Variants in PTPRD observed in about 807,000 individuals in gnomAD.
PTPRD encodes receptor-type tyrosine-protein phosphatase delta.
A neutral mutation model predicts 214.5 loss-of-function variants in PTPRD; 34 were observed. The ratio of observed to expected loss-of-function variants is 0.16; its 90% CI spans 0.12 to 0.21. The LOEUF is 0.21. Among genes scored for constraint, PTPRD ranks in the 10% least tolerant of loss-of-function variants. The probability of loss-of-function intolerance (pLI) is 1.00; values close to 1 mark genes in which losing one functional copy is unlikely to be tolerated. For synonymous variants in PTPRD, 1,128 were observed against 845.7 expected (o/e 1.33, Z -5.79); for missense variants, 2,545 against 2,398.7 (o/e 1.06, Z -1.27).
chr9:10,144,866 AT>A (rs573486453), intron 3 of PTPRD, among the ~76,000 whole-genome samples: 81 of 152,076 alleles, frequency 5.3e-4, no homozygotes, highest in Admixed American at 2.8e-3. Flanking sequence ...GATAATACTG[AT>A]TTTTTTTATT....
chr9:8,768,204 G>C (rs967393839), intron 11 of PTPRD, among the ~76,000 whole-genome samples: 1 of 152,022 alleles, frequency 6.6e-6, no homozygotes, highest in African/African-American at 2.4e-5. Flanking sequence ...AAACCACCCT[G>C]GGCAACATAG....
At chr9:10,404,457 TTTGA>T (rs2098328022) in intron 2 of PTPRD, among the ~76,000 whole-genome samples, 1 of 151,742 alleles carries the variant, frequency 6.6e-6, no homozygotes, top group South Asian at 2.1e-4. Flanking sequence ...TTAAATGTTA[TTTGA>T]TTTTTTCAAA....
chr9:10,238,578 T>G (rs2099636741), intron 3 of PTPRD, among the ~76,000 whole-genome samples: 2 of 151,934 alleles, frequency 1.3e-5, no homozygotes, highest in African/African-American at 4.8e-5. Context: ...TGACTTTAGC[T>G]ATCGAAAGCA....
intron 4 of PTPRD, among the ~76,000 whole-genome samples, chr9:10,033,491 A>G (rs947723561): frequency 3.3e-5 from 5 of 152,100 alleles, no homozygotes; most frequent in African/African-American, 1.2e-4. Flanking sequence ...ATTCCAGCAC[A>G]TAATTTTTGT....
At chr9:8,738,602 G>C (rs1385920828) in intron 11 of PTPRD, among the ~76,000 whole-genome samples, 2 of 150,970 alleles carry the variant, frequency 1.3e-5, no homozygotes, top group Non-Finnish European at 2.9e-5. Context: ...GCTAAATGTA[G>C]GGAAATCTGA....
At chr9:9,238,738 C>T (rs2099968667) in intron 9 of PTPRD, among the ~76,000 whole-genome samples, 1 of 152,110 alleles carries the variant, frequency 6.6e-6, no homozygotes, top group Non-Finnish European at 1.5e-5. Context: ...AATTACACAA[C>T]CTAAGCTTGT....
intron 9 of PTPRD, among the ~76,000 whole-genome samples, chr9:9,333,503 A>G (rs968260028): frequency 1.9e-5 from 2 of 103,518 alleles, no homozygotes; most frequent in Non-Finnish European, 3.7e-5. Context: ...TATATAGTAT[A>G]TTATATATAT....
At chr9:9,028,503 T>C (rs1201383410) in intron 10 of PTPRD, among the ~76,000 whole-genome samples, 1 of 151,994 alleles carries the variant, frequency 6.6e-6, no homozygotes, top group African/African-American at 2.4e-5. Flanking sequence ...ACAATTAAAT[T>C]TGTGACAGTA....
intron 3 of PTPRD, among the ~76,000 whole-genome samples, chr9:10,328,225 AG>A (rs2096680839): frequency 6.6e-6 from 1 of 151,612 alleles, no homozygotes; most frequent in African/African-American, 2.4e-5. Flanking sequence ...ACACAGATTA[AG>A]TTTTTTATTT....
intron 7 of PTPRD, among the ~76,000 whole-genome samples, chr9:9,597,124 A>C (rs2093412164): frequency 6.6e-6 from 1 of 152,024 alleles, no homozygotes; most frequent in Non-Finnish European, 1.5e-5. Flanking sequence ...GGCCTTAAAC[A>C]TCTTCCTGCT....
rs139956101 is a variant in PTPRD at position 10,314,427 on chromosome 9, C to T, written c.-545+26536G>A. Among the ~76,000 whole-genome samples, 555 of 151,924 alleles carry T rather than the reference C, an allele frequency of 3.7e-3. 4 individuals carry two copies. The highest frequency in any genetic ancestry group is 0.013 in the African/African-American group (528 of 41,510). ...TGAATCTTGATGAAAAGAAATATAG[C>T]AGGAACAAGTAAACAAATAAGAATC... On this transcript the variant is annotated intron_variant, in intron 3 of 45. Coordinates refer to ENST00000381196, the MANE Select transcript of PTPRD (RefSeq NM_002839.4).
chr9:9,057,335 G>GGGC (rs1311299464), intron 10 of PTPRD, among the ~76,000 whole-genome samples: 1 of 151,946 alleles, frequency 6.6e-6, no homozygotes, highest in Non-Finnish European at 1.5e-5. Flanking sequence ...GAGCTGAAAG[G>GGGC]GGCCTTGGAG....
At chr9:9,052,944 G>A (rs226360) in intron 10 of PTPRD, among the ~76,000 whole-genome samples, 40,359 of 152,014 alleles carry the variant, frequency 0.27, 6,124 homozygotes, top group Middle Eastern at 0.34. Context: ...ATAATTTTAC[G>A]TACTGAAACA....
At chr9:10,283,088 T>C (rs945232679) in intron 3 of PTPRD, among the ~76,000 whole-genome samples, 2 of 151,982 alleles carry the variant, frequency 1.3e-5, no homozygotes, top group Non-Finnish European at 2.9e-5. Flanking sequence ...TAAGACTTTC[T>C]CTTCTACCAT....
intron 27 of PTPRD, among the ~76,000 whole-genome samples, chr9:8,489,636 T>C (rs769642500): frequency 3.9e-5 from 6 of 152,160 alleles, no homozygotes; most frequent in South Asian, 4.1e-4. Context: ...ATGTGAATAA[T>C]AGAAACAGTA....
chr9:9,139,531 C>A (rs563282572), intron 10 of PTPRD, among the ~76,000 whole-genome samples: 2 of 152,070 alleles, frequency 1.3e-5, no homozygotes, highest in Non-Finnish European at 2.9e-5. Context: ...TGAACACATG[C>A]TCTGTGATAC....
intron 11 of PTPRD, among the ~76,000 whole-genome samples, chr9:8,802,983 T>G (rs2096602136): frequency 6.6e-6 from 1 of 151,820 alleles, no homozygotes; most frequent in Non-Finnish European, 1.5e-5. Flanking sequence ...AGCCCAGGAG[T>G]TTGAAGTTAT....
chr9:10,515,854 T>TATTTTACC (rs778640963), intron 2 of PTPRD, among the ~76,000 whole-genome samples: 1 of 151,952 alleles, frequency 6.6e-6, no homozygotes, highest in African/African-American at 2.4e-5. Context: ...TTGACTGTCT[T>TATTTTACC]ATTTTACCTA....
At chr9:9,802,465 T>C (rs2099047158) in intron 5 of PTPRD, among the ~76,000 whole-genome samples, 2 of 151,912 alleles carry the variant, frequency 1.3e-5, no homozygotes, top group African/African-American at 4.8e-5. Context: ...AACTCAAACT[T>C]AAACTCCAGG....
Sources: gnomAD v4.1 joint callset for allele counts (sites outside exome capture counted in the v4.1 genomes callset) on GRCh38, gnomAD v4.1.1 for gene constraint, MANE v1.5 for transcripts, NCBI Gene and HGNC (gene_info 2026-07-23, HGNC 2026-07-21) for gene names.